Variants in BCLAF3 observed in about 807,000 individuals in gnomAD.
BCLAF3 encodes transient octamer binding factor 1.
BCLAF3 carries 24 observed loss-of-function variants against 51.2 expected under a neutral mutation model. The observed-to-expected ratio is 0.47, with a 90% confidence interval of 0.34 to 0.66. The LOEUF is 0.66. Among genes scored for constraint, BCLAF3 ranks in the 30% least tolerant of loss-of-function variants. The pLI is 0.01. For synonymous variants in BCLAF3, 152 were observed against 176.6 expected (o/e 0.86, Z 1.10); for missense variants, 465 against 525.1 (o/e 0.89, Z 1.12).
At chrX:19,971,147 T>C (rs1293834952) in intron 1 of BCLAF3, among the ~76,000 whole-genome samples, 1 of 112,590 alleles carries the variant, frequency 8.9e-6, no homozygotes, top group East Asian at 2.8e-4. Context: ...TGGAGTGCAG[T>C]GGTGCGATCA....
chrX:19,938,587 G>A (rs2070871101), intron 8 of BCLAF3, among the ~76,000 whole-genome samples: 1 of 112,159 alleles, frequency 8.9e-6, no homozygotes, highest in Admixed American at 9.4e-5. Flanking sequence ...AGTAGACACG[G>A]GGTTTCACCA....
chrX:19,945,040 G>A (rs1292550352), intron 8 of BCLAF3, among the ~76,000 whole-genome samples: 113 of 107,149 alleles, frequency 1.1e-3, no homozygotes, highest in African/African-American at 3.4e-3. Context: ...TTCCATTGCT[G>A]ATACCCTTTC....
rs911084933 is a variant in BCLAF3, at chrX:19,954,047, T to C, written c.1451-155A>G. On this transcript the variant is annotated intron_variant, in intron 5 of 11. Transcript: ENST00000379682. Reference sequence around the variant, plus strand: ...CAAACTTATTTCACAGACTAATTTGTAGCGCTCACGTGCCTTCCCAAGCCC... The same window carrying C: ...CAAACTTATTTCACAGACTAATTTGCAGCGCTCACGTGCCTTCCCAAGCCC... 6.6e-6 allele frequency: 5 copies of C among 752,733 alleles called. No individual in the cohort carries two copies. In the East Asian group the frequency reaches 7.6e-4, roughly 114 times the overall value. 62.0% of individuals were successfully genotyped at this position (752,733 alleles called of 1,213,427 possible). A position where few individuals can be genotyped will look rare whatever the true frequency, so the allele number is the denominator to read the frequency against.
Position 19,965,600 on chromosome X carries a change from G to C in BCLAF3, c.718C>G (p.Pro240Ala). 2 of 1,180,885 alleles carry C rather than the reference G, an allele frequency of 1.7e-6. No homozygotes were observed. ...REPARNPKWKPEHSLPPYQED... is the reference protein window; with the variant it reads ...REPARNPKWKAEHSLPPYQED... ...TGGTAAGGTGGGAGGGAATGCTCAGGCTTCCACTTTGGGTTCCTGGCAGGC... is the reference window on the plus strand; with the variant it reads ...TGGTAAGGTGGGAGGGAATGCTCAGCCTTCCACTTTGGGTTCCTGGCAGGC... The change falls in exon 4 of 12, where the codon CCT (proline) becomes GCT (alanine). Residue 240 changes from proline to alanine, a missense_variant. Pro to Ala is a conservative substitution (Grantham distance 27). Transcript: ENST00000379682.
intron 1 of BCLAF3, among the ~76,000 whole-genome samples, chrX:19,976,152 C>T (rs2072416866): frequency 8.9e-6 from 1 of 112,019 alleles, no homozygotes; most frequent in Admixed American, 9.5e-5. Context: ...AACTCCTCAT[C>T]TCCCTCCAAC....
intron 1 of BCLAF3, among the ~76,000 whole-genome samples, chrX:19,973,268 A>G (rs1359430211): frequency 2.7e-5 from 3 of 111,398 alleles, no homozygotes; most frequent in African/African-American, 6.5e-5. Context: ...AGAAACTATG[A>G]AACTAATCAT....
chrX:19,939,490 T>C (rs755540048), intron 8 of BCLAF3, among the ~76,000 whole-genome samples: 1 of 111,928 alleles, frequency 8.9e-6, no homozygotes, highest in South Asian at 3.7e-4. Flanking sequence ...GACATACCAA[T>C]GGCCAATAAG....
intron 6 of BCLAF3, 91 bp downstream of exon 6, chrX:19,953,687 T>C: frequency 1.6e-6 from 1 of 612,656 alleles, no homozygotes; most frequent in Non-Finnish European, 2.5e-6. Flanking sequence ...CAAGCCCAAG[T>C]GAGCAGGTTC....
intron 8 of BCLAF3, among the ~76,000 whole-genome samples, chrX:19,944,967 C>T (rs1346463360): frequency 5.0e-5 from 5 of 99,778 alleles, no homozygotes; most frequent in African/African-American, 7.7e-5. Flanking sequence ...GGAGGCTTTG[C>T]TCATTTCTTT....
chrX:19,988,915 G>A (rs919529757), intron 1 of BCLAF3, among the ~76,000 whole-genome samples: 1 of 111,887 alleles, frequency 8.9e-6, no homozygotes, highest in Non-Finnish European at 1.9e-5. Context: ...CGCAATAAAA[G>A]ATGAGAAGCT....
chrX:19,922,163 G>C (rs1221687971), intron 11 of BCLAF3, among the ~76,000 whole-genome samples: 1 of 111,526 alleles, frequency 9.0e-6, no homozygotes, highest in Non-Finnish European at 1.9e-5. Flanking sequence ...ATCACCTGAG[G>C]TCAGGAGTTC....
chrX:19,952,141 T>TA (rs761486073), intron 7 of BCLAF3, among the ~76,000 whole-genome samples: 61 of 112,028 alleles, frequency 5.4e-4, no homozygotes, highest in African/African-American at 1.9e-3. Flanking sequence ...GGTGATTTTT[T>TA]AAAAAACCAC....
In BCLAF3 at chrX:19,950,751, A is replaced by G; in HGVS notation, c.1745+2T>C. On this transcript the variant is annotated splice_donor_variant, in intron 8 of 11. Transcript: ENST00000379682. LOFTEE classifies it high-confidence loss of function. ...ACAGGATGTTTGTCATCTACTGATTACCTCTCTGCAGCACTAGCTATGTGA... is the reference window on the plus strand; with the variant it reads ...ACAGGATGTTTGTCATCTACTGATTGCCTCTCTGCAGCACTAGCTATGTGA... 1 of 1,179,353 alleles carries G rather than the reference A, an allele frequency of 8.5e-7. No homozygotes were observed. Among genetic ancestry groups the G allele is most frequent in the Non-Finnish European group, 1.2e-6 (1 of 869,189 alleles).
At position 19,915,732 on chromosome X, in the gene BCLAF3, A is replaced by G. The variant is rs892234964; in HGVS notation, c.*1573T>C. The stretch of plus-strand genomic sequence containing the variant: ...TGTGCAATACATAGTTGTCAATCAA[A>G]TGATTAAATATTCAAAGCTCATTAC... On this transcript the variant is annotated 3_prime_UTR_variant, in exon 12 of 12. Transcript: ENST00000379682. 8.0e-5 allele frequency: 9 copies of G among 112,128 alleles called. No homozygotes were observed. The highest frequency in any genetic ancestry group is 2.9e-4 in the African/African-American group (9 of 30,887). 9.2% of individuals were successfully genotyped at this position (112,128 alleles called of 1,213,427 possible).
At chrX:19,946,246 C>G (rs1016823342) in intron 8 of BCLAF3, among the ~76,000 whole-genome samples, 5 of 112,295 alleles carry the variant, frequency 4.5e-5, no homozygotes, top group African/African-American at 3.2e-5. Context: ...GCGTCGCTCA[C>G]GCTGGGAGCT....
chrX:19,943,574 T>G lies in BCLAF3; in HGVS notation c.1746-6042A>C, dbSNP rs1336314605. On this transcript the variant is annotated intron_variant, in intron 8 of 11. Coordinates refer to ENST00000379682, the MANE Select transcript of BCLAF3 (RefSeq NM_001367774.2). ...AGCAGGTTGTTCAGTTTCCACGTAG[T>G]TGAGCGGCTTTGAGTGAGATTCTTA... Among the ~76,000 whole-genome samples the G allele has an allele frequency of 3.3e-3, 315 of 96,915 alleles. 3 individuals carry two copies. Among genetic ancestry groups the G allele is most frequent in the African/African-American group, 0.012 (293 of 24,608 alleles). The allele number at this position is 96,915 out of a possible 115,157, so 84.2% of individuals were successfully genotyped here.
At chrX:19,947,762 G>T (rs759818383) in intron 8 of BCLAF3, among the ~76,000 whole-genome samples, 1 of 112,086 alleles carries the variant, frequency 8.9e-6, no homozygotes, top group East Asian at 2.8e-4. Context: ...ACTGAGCTCA[G>T]GGCAGTGGGG....
At chrX:19,990,642 C>A (rs1035971908) in intron 1 of BCLAF3, among the ~76,000 whole-genome samples, 1 of 113,304 alleles carries the variant, frequency 8.8e-6, no homozygotes, top group East Asian at 2.8e-4. Flanking sequence ...GCAGCAGGTG[C>A]CCGGGTCGCC....
chrX:19,972,710 A>G (rs1309029292), intron 1 of BCLAF3, among the ~76,000 whole-genome samples: 2 of 111,811 alleles, frequency 1.8e-5, no homozygotes, highest in African/African-American at 3.3e-5. Context: ...GACATCTCAT[A>G]CAAATGGAAT....
Sources: allele counts gnomAD v4.1 joint callset (sites outside exome capture counted in the v4.1 genomes callset), GRCh38; gene constraint gnomAD v4.1.1; transcripts MANE v1.5; gene names NCBI Gene and HGNC (gene_info 2026-07-23, HGNC 2026-07-21).